DLGAP1: variants seen among roughly 807,000 people sequenced by gnomAD.
DLGAP1 encodes DLG associated protein 1.
A neutral mutation model predicts 90.8 loss-of-function variants in DLGAP1; 11 were observed. The observed-to-expected ratio is 0.12, with a 90% confidence interval of 0.08 to 0.20. The LOEUF (loss-of-function observed/expected upper bound fraction) is 0.20. Among genes scored for constraint, DLGAP1 ranks in the 10% least tolerant of loss-of-function variants. The probability of loss-of-function intolerance (pLI) is 1.00; values close to 1 mark genes in which losing one functional copy is unlikely to be tolerated. For missense variants in DLGAP1, 1,050 were observed against 1,333.8 expected, an observed-to-expected ratio of 0.79 and a Z score of 3.31; for synonymous variants, 558 against 540.7, an observed-to-expected ratio of 1.03 and a Z score of -0.44.
At chr18:3,624,979 C>T (rs945047209) in intron 7 of DLGAP1, among the ~76,000 whole-genome samples, 5 of 152,172 alleles carry the variant, frequency 3.3e-5, no homozygotes, top group African/African-American at 4.8e-5. Context: ...CTACCACACA[C>T]ACAATATGCA....
At chr18:4,144,781 A>G (rs2144343233) in intron 2 of DLGAP1, among the ~76,000 whole-genome samples, 1 of 152,324 alleles carries the variant, frequency 6.6e-6, no homozygotes, top group South Asian at 2.1e-4. Flanking sequence ...AGACAGGTAA[A>G]AATTTTAGGT....
Position 3,773,166 on chromosome 18 carries a change from C to A in DLGAP1, c.1173-30654G>T, listed in dbSNP as rs1191548031. ...TTGATACACAAGGAACTCGTGGGAA[C>A]TGAAAAAAGGAAACCAGTTTCTAGG... On this transcript the variant is annotated intron_variant, in intron 5 of 12. Coordinates refer to ENST00000315677, the MANE Select transcript of DLGAP1 (RefSeq NM_004746.4). 3.3e-5 allele frequency among the ~76,000 whole-genome samples: 5 copies of A among 151,658 alleles called. No homozygotes were observed. In the East Asian group the frequency reaches 9.7e-4, roughly 29 times the overall value.
At chr18:3,800,975 C>T (rs979311387) in intron 5 of DLGAP1, among the ~76,000 whole-genome samples, 12 of 152,074 alleles carry the variant, frequency 7.9e-5, no homozygotes, top group South Asian at 2.1e-4. Context: ...ATAGGAAGCA[C>T]GGTGCTGGTA....
chr18:3,903,175 T>C (rs7240057), intron 3 of DLGAP1, among the ~76,000 whole-genome samples: 9 of 142,254 alleles, frequency 6.3e-5, no homozygotes, highest in African/African-American at 2.2e-4. Flanking sequence ...TGAATGGAGA[T>C]ATTTGGGGAT....
intron 2 of DLGAP1, among the ~76,000 whole-genome samples, chr18:4,115,460 T>A (rs185379414): frequency 3.1e-4 from 46 of 148,304 alleles, no homozygotes; most frequent in Admixed American, 2.6e-3. Flanking sequence ...TGAACTACCA[T>A]CTAGTGTCAT....
chr18:4,107,904 G>A (rs1212824722), intron 2 of DLGAP1, among the ~76,000 whole-genome samples: 3 of 152,026 alleles, frequency 2.0e-5, no homozygotes, highest in Admixed American at 2.0e-4. Context: ...AAAAATCTTG[G>A]TTTTTGTTTA....
At chr18:3,892,114 A>AC (rs2071479915) in intron 3 of DLGAP1, 1 of 132,296 alleles carries the variant, frequency 7.6e-6, no homozygotes, top group Non-Finnish European at 1.7e-5. Flanking sequence ...TCACCTCTAA[A>AC]ACACACACAC....
intron 10 of DLGAP1, among the ~76,000 whole-genome samples, chr18:3,525,255 T>C (rs1218582023): frequency 6.6e-6 from 1 of 152,134 alleles, no homozygotes; most frequent in Non-Finnish European, 1.5e-5. Flanking sequence ...AGCCACGAAA[T>C]GGTAGCATCA....
At chr18:3,539,539 C>G (rs753165460) in intron 9 of DLGAP1, among the ~76,000 whole-genome samples, 3 of 152,236 alleles carry the variant, frequency 2.0e-5, no homozygotes, top group Admixed American at 6.5e-5. Flanking sequence ...GCATTCACTT[C>G]TGCTGTTGCT....
At chr18:3,966,213 A>G (rs2073327667) in intron 3 of DLGAP1, among the ~76,000 whole-genome samples, 1 of 152,048 alleles carries the variant, frequency 6.6e-6, no homozygotes, top group Non-Finnish European at 1.5e-5. Flanking sequence ...GAAGCTTGTT[A>G]TGTTCAAGAA....
chr18:4,165,715 G>A (rs1332372793), intron 1 of DLGAP1, among the ~76,000 whole-genome samples: 1 of 152,140 alleles, frequency 6.6e-6, no homozygotes, highest in African/African-American at 2.4e-5. Flanking sequence ...TAAAATGCTG[G>A]TACCAGTAGA....
chr18:3,696,428 G>A (rs1255885985), intron 7 of DLGAP1, among the ~76,000 whole-genome samples: 1 of 152,074 alleles, frequency 6.6e-6, no homozygotes, highest in Non-Finnish European at 1.5e-5. Context: ...TTTTATTGAA[G>A]GCCTTTTCTG....
At chr18:4,114,535 T>C (rs1017410360) in intron 2 of DLGAP1, among the ~76,000 whole-genome samples, 1 of 152,156 alleles carries the variant, frequency 6.6e-6, no homozygotes, top group South Asian at 2.1e-4. Flanking sequence ...TTTGTAGGTA[T>C]AGGATCTTAT....
At chr18:3,984,799 T>G (rs9303934) in intron 3 of DLGAP1, among the ~76,000 whole-genome samples, 89,414 of 151,856 alleles carry the variant, frequency 0.59, 27,663 homozygotes, top group African/African-American at 0.79. Context: ...ATCTTTCCCC[T>G]GTTAATCCAT....
At chr18:3,532,918 A>G (rs767015355) in intron 10 of DLGAP1, among the ~76,000 whole-genome samples, 31 of 152,340 alleles carry the variant, frequency 2.0e-4, no homozygotes, top group Non-Finnish European at 3.2e-4. Context: ...TTCTTTTTCA[A>G]CTGTTAATAT....
In DLGAP1 at chr18:3,517,144, A is replaced by T. The variant is rs2050891909; in HGVS notation, c.2480-8483T>A. ...AGAGCACACTTTATAAGAGCACACAAATTTAGCATAATTTTTAAGGGCCGT... is the reference window on the plus strand; with the variant it reads ...AGAGCACACTTTATAAGAGCACACATATTTAGCATAATTTTTAAGGGCCGT... On this transcript the variant is annotated intron_variant, in intron 10 of 12. Coordinates refer to ENST00000315677, the MANE Select transcript of DLGAP1 (RefSeq NM_004746.4). The surrounding 1 kb of genome is among the most constrained non-coding windows in gnomAD (Gnocchi z 4.1). Among the ~76,000 whole-genome samples, 1 of 152,166 alleles carries T rather than the reference A, an allele frequency of 6.6e-6. No individual in the cohort carries two copies. The highest frequency in any genetic ancestry group is 6.5e-5 in the Admixed American group (1 of 15,282).
chr18:3,871,385 A>C (rs1270706473), intron 4 of DLGAP1, among the ~76,000 whole-genome samples: 1 of 150,966 alleles, frequency 6.6e-6, no homozygotes, highest in Non-Finnish European at 1.5e-5. Context: ...TAAAATTGTC[A>C]TTTTAAGGGG....
intron 7 of DLGAP1, among the ~76,000 whole-genome samples, chr18:3,635,191 C>CTCA (rs2058659203): frequency 6.7e-5 from 10 of 149,824 alleles, no homozygotes; most frequent in South Asian, 2.1e-4. Flanking sequence ...AGTGCAGTGG[C>CTCA]GGGATCTCGG....
intron 7 of DLGAP1, among the ~76,000 whole-genome samples, chr18:3,687,831 A>G (rs776691144): frequency 5.3e-5 from 8 of 152,174 alleles, no homozygotes; most frequent in Non-Finnish European, 1.2e-4. Context: ...TGACCAACCT[A>G]TAACATTGAA....
Sources: allele counts gnomAD v4.1 joint callset (sites outside exome capture counted in the v4.1 genomes callset), GRCh38; gene constraint gnomAD v4.1.1; non-coding constraint Gnocchi (gnomAD v3.1); transcripts MANE v1.5; gene names NCBI Gene and HGNC (gene_info 2026-07-23, HGNC 2026-07-21).